The following MCC variants were observed in gnomAD, a reference collection of about 807,000 sequenced individuals.
MCC encodes MCC regulator of Wnt signaling pathway, also known as colorectal mutant cancer protein.
Under a neutral mutation model 116.2 loss-of-function variants are expected in MCC, and 90 were observed. The ratio of observed to expected loss-of-function variants is 0.77; its 90% CI spans 0.65 to 0.92. The LOEUF (loss-of-function observed/expected upper bound fraction) is 0.92. Among genes scored for constraint, MCC ranks in the 40% least tolerant of loss-of-function variants. The probability of loss-of-function intolerance (pLI) is 0.00; values close to 1 mark genes in which losing one functional copy is unlikely to be tolerated. For missense variants in MCC, 1,516 were observed against 1,312.2 expected (o/e 1.16, Z -2.40); for synonymous variants, 578 against 510.5 (o/e 1.13, Z -1.78).
chr5:113,203,526 C>CG (rs990245824), intron 3 of MCC, among the ~76,000 whole-genome samples: 1 of 151,814 alleles, frequency 6.6e-6, no homozygotes, highest in Admixed American at 6.6e-5. Flanking sequence ...CTGACCTGCC[C>CG]GGGGGGCCAC....
At chr5:113,249,782 T>G (rs138418276) in intron 3 of MCC, among the ~76,000 whole-genome samples, 1 of 152,188 alleles carries the variant, frequency 6.6e-6, no homozygotes, top group East Asian at 1.9e-4. Flanking sequence ...GCAGGACAAA[T>G]GTATCAGACA....
intron 3 of MCC, among the ~76,000 whole-genome samples, chr5:113,288,891 G>A (rs192413624): frequency 6.6e-6 from 1 of 151,894 alleles, no homozygotes; most frequent in Non-Finnish European, 1.5e-5. Context: ...ATAACAGAAG[G>A]CACCTCAGAG....
At chr5:113,240,229 AC>A (rs1273506543) in intron 3 of MCC, among the ~76,000 whole-genome samples, 1 of 152,100 alleles carries the variant, frequency 6.6e-6, no homozygotes, top group African/African-American at 2.4e-5. Flanking sequence ...GGTGTTGAAA[AC>A]TTGACCCAAT....
intron 1 of MCC, among the ~76,000 whole-genome samples, chr5:113,473,196 A>G (rs995332295): frequency 1.3e-5 from 2 of 152,172 alleles, no homozygotes; most frequent in Admixed American, 1.3e-4. Flanking sequence ...TAATTTAAGA[A>G]TCTCTTTCTA....
At chr5:113,453,598 T>A (rs562773415) in intron 1 of MCC, among the ~76,000 whole-genome samples, 1 of 152,318 alleles carries the variant, frequency 6.6e-6, no homozygotes, top group Non-Finnish European at 1.5e-5. Flanking sequence ...TGTGAAGGCA[T>A]GCCTGCTTTC....
chr5:113,200,453 T>G (rs1490388014), intron 3 of MCC, among the ~76,000 whole-genome samples: 1 of 152,076 alleles, frequency 6.6e-6, no homozygotes, highest in Non-Finnish European at 1.5e-5. Context: ...CTGATCCCCT[T>G]CCTGTTAGAA....
chr5:113,422,476 T>C (rs912821854), intron 1 of MCC, among the ~76,000 whole-genome samples: 14 of 152,236 alleles, frequency 9.2e-5, no homozygotes, highest in Non-Finnish European at 1.9e-4. Flanking sequence ...TTTTTAACAA[T>C]GGTTATGTTT....
intron 14 of MCC, among the ~76,000 whole-genome samples, chr5:113,054,781 C>A (rs1580939400): frequency 6.6e-6 from 1 of 152,196 alleles, no homozygotes; most frequent in Non-Finnish European, 1.5e-5. Flanking sequence ...GAGCCCCCAG[C>A]TGAACCCCAG....
At chr5:113,138,818 C>T (rs1167802994) in intron 5 of MCC, among the ~76,000 whole-genome samples, 1 of 152,178 alleles carries the variant, frequency 6.6e-6, no homozygotes, top group Non-Finnish European at 1.5e-5. Context: ...TAAGTACCTG[C>T]CATTCTCTTT....
chr5:113,434,053 T>A lies in MCC; in HGVS notation c.171-48841A>T. The stretch of plus-strand genomic sequence containing the variant: ...CAGCAGTGGCTGAGGATCTCGTCGA[T>A]GTGGAGCCGCCGGTTGACGTCGGGC... On this transcript the variant is annotated intron_variant, in intron 1 of 18. Coordinates refer to ENST00000408903, the MANE Select transcript of MCC (RefSeq NM_001085377.2). The surrounding 1 kb of genome is among the most constrained non-coding windows in gnomAD (Gnocchi z 4.2). The A allele has an allele frequency of 6.2e-7, 1 of 1,614,040 alleles. No homozygotes were observed. Among genetic ancestry groups the A allele is most frequent in the Admixed American group, 1.7e-5 (1 of 60,022 alleles).
chr5:113,355,681 T>C (rs969097005), intron 2 of MCC, among the ~76,000 whole-genome samples: 1 of 152,016 alleles, frequency 6.6e-6, no homozygotes, highest in African/African-American at 2.4e-5. Context: ...TGTCCTCACA[T>C]GGTAAGAAGA....
At chr5:113,145,683 G>A (rs538723884) in intron 4 of MCC, among the ~76,000 whole-genome samples, 1 of 151,658 alleles carries the variant, frequency 6.6e-6, no homozygotes, top group East Asian at 1.9e-4. Flanking sequence ...AGCAGCCCTC[G>A]CTGCTGCTCT....
chr5:113,476,728 T>C (rs1772242295), intron 1 of MCC, among the ~76,000 whole-genome samples: 1 of 152,202 alleles, frequency 6.6e-6, no homozygotes. Context: ...AAACTAGTGG[T>C]TGCCTAGGGC....
chr5:113,103,581 A>G (rs1213801574), intron 7 of MCC, among the ~76,000 whole-genome samples: 1 of 152,250 alleles, frequency 6.6e-6, no homozygotes, highest in African/African-American at 2.4e-5. Flanking sequence ...TGTGCAATCC[A>G]GGATTCCTAC....
chr5:113,316,939 A>T (rs1307947973), intron 3 of MCC, among the ~76,000 whole-genome samples: 1 of 152,260 alleles, frequency 6.6e-6, no homozygotes, highest in African/African-American at 2.4e-5. Flanking sequence ...ATGCAAAAGT[A>T]TGGTGAAAAA....
intron 8 of MCC, among the ~76,000 whole-genome samples, chr5:113,085,616 T>C (rs1250524424): frequency 1.3e-5 from 2 of 152,204 alleles, no homozygotes; most frequent in Admixed American, 6.5e-5. Context: ...CCACAGACCA[T>C]CACCTATTCT....
intron 3 of MCC, among the ~76,000 whole-genome samples, chr5:113,317,142 A>G (rs1561521450): frequency 6.6e-6 from 1 of 152,340 alleles, no homozygotes; most frequent in East Asian, 1.9e-4. Context: ...TTTGAACACA[A>G]ACATTCAGAT....
intron 3 of MCC, among the ~76,000 whole-genome samples, chr5:113,288,819 G>A (rs1766363731): frequency 6.6e-6 from 1 of 152,150 alleles, no homozygotes. Context: ...TTTACAGTCT[G>A]TGTAGTTTCG....
chr5:113,394,610 C>G (rs1013937478), intron 1 of MCC, among the ~76,000 whole-genome samples: 1 of 152,168 alleles, frequency 6.6e-6, no homozygotes, highest in Non-Finnish European at 1.5e-5. Context: ...TCCCTCTGCT[C>G]AGAACATCCT....
Sources: allele counts gnomAD v4.1 joint callset (sites outside exome capture counted in the v4.1 genomes callset), GRCh38; gene constraint gnomAD v4.1.1; non-coding constraint Gnocchi (gnomAD v3.1); transcripts MANE v1.5; gene names NCBI Gene and HGNC (gene_info 2026-07-23, HGNC 2026-07-21).